Variants in TRAPPC9 observed in about 807,000 individuals in gnomAD.
TRAPPC9 encodes the protein trafficking protein particle complex subunit 9, also known as IKK2 binding protein.
Under a neutral mutation model 124.0 loss-of-function variants are expected in TRAPPC9, and 83 were observed. That is an observed-to-expected ratio of 0.67 (90% CI 0.56 to 0.80). TRAPPC9 has a LOEUF of 0.80. TRAPPC9 is among the 30% of genes least tolerant of loss of function. The pLI, the probability that TRAPPC9 is intolerant of heterozygous loss-of-function variation, is 0.00. For missense variants in TRAPPC9, 1,302 were observed against 1,508.3 expected, an observed-to-expected ratio of 0.86 and a Z score of 2.27; for synonymous variants, 638 against 617.5, an observed-to-expected ratio of 1.03 and a Z score of -0.49.
At chr8:139,935,966 C>T (rs1448242882) in intron 19 of TRAPPC9, among the ~76,000 whole-genome samples, 3 of 152,166 alleles carry the variant, frequency 2.0e-5, no homozygotes, top group Non-Finnish European at 4.4e-5. Flanking sequence ...TGCTCCAGTC[C>T]CACAATGGGG....
intron 8 of TRAPPC9, among the ~76,000 whole-genome samples, chr8:140,362,441 T>C (rs1002574020): frequency 6.6e-6 from 1 of 152,214 alleles, no homozygotes; most frequent in Admixed American, 6.5e-5. Context: ...CAATATTCTA[T>C]TCTATCCTCT....
intron 16 of TRAPPC9, among the ~76,000 whole-genome samples, chr8:140,235,405 T>C (rs2063708404): frequency 6.6e-6 from 1 of 152,236 alleles, no homozygotes; most frequent in Non-Finnish European, 1.5e-5. Flanking sequence ...TAGCTGACAA[T>C]GGACTAATAT....
At chr8:140,035,001 T>G (rs1840785057) in intron 17 of TRAPPC9, among the ~76,000 whole-genome samples, 1 of 152,218 alleles carries the variant, frequency 6.6e-6, no homozygotes, top group Non-Finnish European at 1.5e-5. Flanking sequence ...CTGGCCTTGG[T>G]GCTAAATGCT....
At chr8:140,383,523 C>T (rs974948535) in intron 7 of TRAPPC9, among the ~76,000 whole-genome samples, 1 of 152,160 alleles carries the variant, frequency 6.6e-6, no homozygotes, top group Non-Finnish European at 1.5e-5. Context: ...AATGCACATG[C>T]TTCAGTAGCC....
At chr8:140,159,834 C>A (rs1430515972) in intron 17 of TRAPPC9, among the ~76,000 whole-genome samples, 1 of 152,224 alleles carries the variant, frequency 6.6e-6, no homozygotes, top group African/African-American at 2.4e-5. Flanking sequence ...CCTGCCACCG[C>A]ATCGACCACG....
intron 19 of TRAPPC9, among the ~76,000 whole-genome samples, chr8:139,934,751 C>T (rs951523828): frequency 5.3e-5 from 8 of 152,160 alleles, no homozygotes; most frequent in African/African-American, 1.9e-4. Flanking sequence ...GGGGCCCAAT[C>T]GCAAGGGTTC....
At chr8:140,267,477 A>T (rs969950204) in intron 15 of TRAPPC9, among the ~76,000 whole-genome samples, 2 of 152,204 alleles carry the variant, frequency 1.3e-5, no homozygotes, top group Non-Finnish European at 2.9e-5. Flanking sequence ...ACTATGCGGC[A>T]AGCATTGCTC....
intron 21 of TRAPPC9, among the ~76,000 whole-genome samples, chr8:139,845,805 G>C (rs1326815604): frequency 1.3e-5 from 2 of 152,198 alleles, no homozygotes; most frequent in African/African-American, 4.8e-5. Context: ...ATTACTCGGG[G>C]GTTTCTGCTA....
At chr8:140,458,143 A>AGGGAAGGAGG (rs1742877344), upstream of TRAPPC9, 11 of 1,442,538 alleles carry the variant, frequency 7.6e-6, no homozygotes, top group Non-Finnish European at 9.3e-6. Flanking sequence ...GAAGAGGAGG[A>AGGGAAGGAGG]GGGAAGGAGG....
chr8:140,162,342 C>T (rs757455279), intron 17 of TRAPPC9, among the ~76,000 whole-genome samples: 7 of 152,108 alleles, frequency 4.6e-5, no homozygotes, highest in Admixed American at 6.5e-5. Context: ...GGTGTCAGCC[C>T]CCTGCTTCTC....
chr8:140,226,039 T>C (rs2063442723), intron 16 of TRAPPC9, among the ~76,000 whole-genome samples: 1 of 152,126 alleles, frequency 6.6e-6, no homozygotes, highest in Non-Finnish European at 1.5e-5. Context: ...GAAAGCAGAG[T>C]GAACATCTGG....
At chr8:140,129,053 T>C (rs2061153495) in intron 17 of TRAPPC9, among the ~76,000 whole-genome samples, 1 of 149,546 alleles carries the variant, frequency 6.7e-6, no homozygotes, top group Non-Finnish European at 1.5e-5. Flanking sequence ...GCTCTGCCAA[T>C]GAGGTTGATT....
At chr8:140,078,506 A>G (rs1329751835) in intron 17 of TRAPPC9, among the ~76,000 whole-genome samples, 1 of 152,210 alleles carries the variant, frequency 6.6e-6, no homozygotes, top group Admixed American at 6.5e-5. Context: ...ACAGAAGGCC[A>G]GAGGTGGGAT....
chr8:140,425,373 C>A (rs180823987), intron 5 of TRAPPC9, among the ~76,000 whole-genome samples: 1 of 152,292 alleles, frequency 6.6e-6, no homozygotes, highest in Admixed American at 6.5e-5. Flanking sequence ...TGGGTCCTTC[C>A]TGGCAGTTTT....
rs543823078 is a variant in TRAPPC9, at chr8:140,433,139, A to C, written c.859+1973T>G. Among the ~76,000 whole-genome samples, 3 of 149,596 alleles carry C rather than the reference A, an allele frequency of 2.0e-5. No individual in the cohort carries two copies. In the South Asian group the frequency reaches 6.4e-4, roughly 32 times the overall value. On this transcript the variant is annotated intron_variant, in intron 4 of 22. Coordinates refer to ENST00000438773, the MANE Select transcript of TRAPPC9 (RefSeq NM_001160372.4). ...CAACATGGCGAAACCTCGTCTCTAC[A>C]AAAATTAGCTGGGCATGGTAGCACA...
intron 6 of TRAPPC9, among the ~76,000 whole-genome samples, chr8:140,402,397 CAA>C (rs34659339): frequency 1.4e-5 from 2 of 140,162 alleles, no homozygotes; most frequent in Admixed American, 7.2e-5. Flanking sequence ...GACCCTGTCT[CAA>C]AAAAAAAAAA....
At chr8:140,456,919 C>T (rs2977493) in intron 1 of TRAPPC9, 373,466 of 778,854 alleles carry the variant, frequency 0.48, 91,127 homozygotes, top group East Asian at 0.51. Context: ...TTGGGAAGGT[C>T]TGCAGGGGTG....
Position 140,256,390 on chromosome 8 carries a change from T to G in TRAPPC9, c.2279-3461A>C, listed in dbSNP as rs1052553025. On this transcript the variant is annotated intron_variant, in intron 15 of 22. Coordinates refer to ENST00000438773, the MANE Select transcript of TRAPPC9 (RefSeq NM_001160372.4). ...ATCACATCATCAATTGGGTCGCAGCTTTCTTCCCACTCCTTCAGAAGGGTT... is the reference window on the plus strand; with the variant it reads ...ATCACATCATCAATTGGGTCGCAGCGTTCTTCCCACTCCTTCAGAAGGGTT... Among the ~76,000 whole-genome samples, 5 of 152,190 alleles carry G rather than the reference T, an allele frequency of 3.3e-5. No homozygotes were observed. In the East Asian group the frequency reaches 9.6e-4, roughly 29 times the overall value.
chr8:140,086,761 C>G lies in TRAPPC9; in HGVS notation c.2557-62682G>C, dbSNP rs190694169. On this transcript the variant is annotated intron_variant, in intron 17 of 22. Coordinates refer to ENST00000438773, the MANE Select transcript of TRAPPC9 (RefSeq NM_001160372.4). ...CCTGACCAAGATGGAGAAACCCCAT[C>G]TCTACTTTTTTAAAAATACAAAAAT... 1.2e-4 allele frequency among the ~76,000 whole-genome samples: 19 copies of G among 152,188 alleles called. No individual in the cohort carries two copies. In the East Asian group the frequency reaches 3.5e-3, roughly 28 times the overall value.
Sources: allele counts gnomAD v4.1 joint callset (sites outside exome capture counted in the v4.1 genomes callset), GRCh38; gene constraint gnomAD v4.1.1; transcripts MANE v1.5; gene names NCBI Gene and HGNC (gene_info 2026-07-23, HGNC 2026-07-21).